The following FBXL20 variants were observed in gnomAD, a reference collection of about 807,000 sequenced individuals.
FBXL20 encodes F-box and leucine rich repeat protein 20.
A neutral mutation model predicts 64.0 loss-of-function variants in FBXL20; 11 were observed. The ratio of observed to expected loss-of-function variants is 0.17; its 90% CI spans 0.11 to 0.28. The LOEUF is 0.28. Among genes scored for constraint, FBXL20 ranks in the 10% least tolerant of loss-of-function variants. The probability of loss-of-function intolerance (pLI) is 1.00; values close to 1 mark genes in which losing one functional copy is unlikely to be tolerated. For missense variants in FBXL20, 303 were observed against 526.2 expected, an observed-to-expected ratio of 0.58 and a Z score of 4.15; for synonymous variants, 184 against 189.0, an observed-to-expected ratio of 0.97 and a Z score of 0.22.
chr17:39,312,065 G>C (rs2047239665), intron 2 of FBXL20, among the ~76,000 whole-genome samples: 1 of 152,108 alleles, frequency 6.6e-6, no homozygotes, highest in African/African-American at 2.4e-5. Context: ...GAACGTTTTA[G>C]AGCATTTAAA....
rs2046959645 is a variant in FBXL20 at position 39,282,825 on chromosome 17, G to C, written c.525C>G (p.Asn175Lys). 2 of 1,613,960 alleles carry C rather than the reference G, an allele frequency of 1.2e-6. No individual in the cohort carries two copies. Among genetic ancestry groups the C allele is most frequent in the Admixed American group, 3.3e-5 (2 of 59,976 alleles). The change falls in exon 8 of 15, where the codon AAC (asparagine) becomes AAG (lysine). Residue 175 changes from asparagine to lysine, a missense_variant. Asn to Lys is a moderately conservative substitution (Grantham distance 94, BLOSUM62 0). Transcript: ENST00000264658. ...SEGCPLLEQL[N>K]ISWCDQVTKD... ...TGGTTACTTGGTCACACCAGGAAAT[G>C]TTCAACTGCTCCAACAGTGGACATC... is the stretch of plus-strand genomic sequence containing the variant.
At chr17:39,306,693 T>C (rs1374463101) in intron 2 of FBXL20, among the ~76,000 whole-genome samples, 1 of 152,168 alleles carries the variant, frequency 6.6e-6, no homozygotes, top group Non-Finnish European at 1.5e-5. Context: ...ATTGAAATAT[T>C]TGCATGATGT....
At chr17:39,351,907 C>A (rs1159939290) in intron 1 of FBXL20, among the ~76,000 whole-genome samples, 1 of 152,130 alleles carries the variant, frequency 6.6e-6, no homozygotes, top group Non-Finnish European at 1.5e-5. Flanking sequence ...CAATAATATA[C>A]TGTTGGTTTG....
At chr17:39,370,996 A>G (rs2047913191) in intron 1 of FBXL20, among the ~76,000 whole-genome samples, 3 of 151,990 alleles carry the variant, frequency 2.0e-5, no homozygotes, top group African/African-American at 7.2e-5. Context: ...AGGCGGGTGG[A>G]TCACCTGAGT....
chr17:39,334,372 C>T (rs2047498820), intron 2 of FBXL20, among the ~76,000 whole-genome samples: 2 of 152,024 alleles, frequency 1.3e-5, no homozygotes, highest in African/African-American at 2.4e-5. Context: ...AACCAGAGAC[C>T]TTTGTTCACA....
At chr17:39,334,332 C>G (rs915952399) in intron 2 of FBXL20, among the ~76,000 whole-genome samples, 4 of 152,082 alleles carry the variant, frequency 2.6e-5, no homozygotes, top group Admixed American at 1.3e-4. Context: ...ACAAACACTG[C>G]GGAAGGCAGC....
chr17:39,347,696 T>C (rs540479569), intron 1 of FBXL20, among the ~76,000 whole-genome samples: 62 of 152,324 alleles, frequency 4.1e-4, no homozygotes, highest in African/African-American at 1.5e-3. Context: ...TTAGTTTAAT[T>C]AGATGCCATT....
chr17:39,282,419 A>T (rs1032621180), intron 8 of FBXL20, among the ~76,000 whole-genome samples: 1 of 152,202 alleles, frequency 6.6e-6, no homozygotes, highest in African/African-American at 2.4e-5. Context: ...AGGCAGTGAC[A>T]ACAAGCCAAG....
chr17:39,302,066 T>G (rs1384205827), intron 3 of FBXL20, among the ~76,000 whole-genome samples: 1 of 152,012 alleles, frequency 6.6e-6, no homozygotes, highest in African/African-American at 2.4e-5. Flanking sequence ...AAGCAAGTCT[T>G]TCTTCTATGC....
chr17:39,273,338 T>C (rs1167356969), intron 10 of FBXL20, among the ~76,000 whole-genome samples: 1 of 152,154 alleles, frequency 6.6e-6, no homozygotes, highest in Non-Finnish European at 1.5e-5. Flanking sequence ...TCAACAATTA[T>C]GGTTAGGCCA....
At chr17:39,366,186 C>A (rs1294244955) in intron 1 of FBXL20, among the ~76,000 whole-genome samples, 1 of 152,036 alleles carries the variant, frequency 6.6e-6, no homozygotes, top group Non-Finnish European at 1.5e-5. Context: ...AATTAAGCGT[C>A]CGTGTGAATA....
chr17:39,336,244 A>G (rs2047520920), intron 2 of FBXL20, among the ~76,000 whole-genome samples: 1 of 152,308 alleles, frequency 6.6e-6, no homozygotes, highest in African/African-American at 2.4e-5. Flanking sequence ...TAACAACACA[A>G]TTGTTTTTGT....
At chr17:39,370,764 C>T (rs2047909804) in intron 1 of FBXL20, among the ~76,000 whole-genome samples, 1 of 144,820 alleles carries the variant, frequency 6.9e-6, no homozygotes, top group African/African-American at 2.6e-5. Flanking sequence ...CACTGCACTC[C>T]AGCCTGGGCG....
intron 1 of FBXL20, among the ~76,000 whole-genome samples, chr17:39,363,811 A>AAAAACAAAAAAAC (rs2047824893): frequency 8.9e-6 from 1 of 112,486 alleles, no homozygotes; most frequent in African/African-American, 3.5e-5. Flanking sequence ...ACTTTATCTC[A>AAAAACAAAAAAAC]AAAAAAAAAA....
chr17:39,300,004 C>T (rs2047120328), intron 4 of FBXL20, among the ~76,000 whole-genome samples: 1 of 151,072 alleles, frequency 6.6e-6, no homozygotes, highest in Non-Finnish European at 1.5e-5. Context: ...GGCTGAGGCA[C>T]AAGAATTGCT....
At chr17:39,370,749 C>T (rs2047909581) in intron 1 of FBXL20, among the ~76,000 whole-genome samples, 1 of 148,408 alleles carries the variant, frequency 6.7e-6, no homozygotes, top group Admixed American at 6.7e-5. Flanking sequence ...GAGCCGAGAT[C>T]GCGCCACTGC....
chr17:39,355,132 T>C (rs868300052), intron 1 of FBXL20, among the ~76,000 whole-genome samples: 4 of 152,192 alleles, frequency 2.6e-5, no homozygotes, highest in South Asian at 2.1e-4. Context: ...CATTTCACCA[T>C]GTTGGTCAGG....
chr17:39,349,350 A>T (rs2047665249), intron 1 of FBXL20, among the ~76,000 whole-genome samples: 1 of 143,834 alleles, frequency 7.0e-6, no homozygotes, highest in African/African-American at 2.7e-5. Flanking sequence ...AAAAAAAAAA[A>T]AAGGCTGGGA....
chr17:39,331,891 T>C (rs1233148726), intron 2 of FBXL20, among the ~76,000 whole-genome samples: 4 of 152,234 alleles, frequency 2.6e-5, no homozygotes, highest in Non-Finnish European at 5.9e-5. Context: ...ATTTAATCCA[T>C]TTGGCCTGCT....
Sources: gnomAD v4.1 joint callset for allele counts (sites outside exome capture counted in the v4.1 genomes callset) on GRCh38, gnomAD v4.1.1 for gene constraint, MANE v1.5 for transcripts, NCBI Gene and HGNC (gene_info 2026-07-23, HGNC 2026-07-21) for gene names.